Variants in CCSER1 observed in about 807,000 individuals in gnomAD.
CCSER1 encodes the protein coiled-coil serine rich protein 1.
In CCSER1, 41 loss-of-function variants were observed where a neutral mutation model predicts 82.0. The ratio of observed to expected loss-of-function variants is 0.50; its 90% CI spans 0.39 to 0.65. CCSER1 has a LOEUF of 0.65. Ranked by LOEUF, CCSER1 falls within the 30% of genes least tolerant of loss-of-function variation. CCSER1 has a pLI of 0.00. For missense variants in CCSER1, 1,119 were observed against 1,064.2 expected (o/e 1.05, Z -0.72); for synonymous variants, 414 against 383.9 (o/e 1.08, Z -0.92).
intron 9 of CCSER1, among the ~76,000 whole-genome samples, chr4:91,081,190 A>T (rs1385031289): frequency 2.6e-5 from 4 of 152,030 alleles, no homozygotes; most frequent in Non-Finnish European, 5.9e-5. Context: ...TTAGGCAGCA[A>T]ATCAAAAAGC....
chr4:90,334,518 C>T (rs1479867641), intron 3 of CCSER1, among the ~76,000 whole-genome samples: 1 of 151,320 alleles, frequency 6.6e-6, no homozygotes, highest in Non-Finnish European at 1.5e-5. Flanking sequence ...TTGAGATAAA[C>T]TTTATATTGC....
chr4:90,156,408 G>A (rs183490639), intron 1 of CCSER1, among the ~76,000 whole-genome samples: 1 of 152,304 alleles, frequency 6.6e-6, no homozygotes, highest in East Asian at 1.9e-4. Context: ...GCAGAGCTGA[G>A]TTCAATTCCT....
At chr4:90,981,763 G>A (rs1044661676) in intron 9 of CCSER1, among the ~76,000 whole-genome samples, 1 of 151,878 alleles carries the variant, frequency 6.6e-6, no homozygotes, top group Non-Finnish European at 1.5e-5. Flanking sequence ...AAGCAAAGGA[G>A]AGACATCAAG....
At chr4:90,606,991 G>T (rs1016113080) in intron 5 of CCSER1, among the ~76,000 whole-genome samples, 1 of 152,166 alleles carries the variant, frequency 6.6e-6, no homozygotes, top group Non-Finnish European at 1.5e-5. Flanking sequence ...TTTATATGTT[G>T]TTGATGAAAT....
chr4:91,450,098 C>A (rs1578487988), intron 10 of CCSER1, among the ~76,000 whole-genome samples: 1 of 115,508 alleles, frequency 8.7e-6, no homozygotes, highest in East Asian at 2.8e-4. Context: ...TGAAACAAAG[C>A]CTCACAATGG....
intron 9 of CCSER1, among the ~76,000 whole-genome samples, chr4:91,082,186 A>C (rs1461141106): frequency 6.6e-6 from 1 of 152,226 alleles, no homozygotes; most frequent in Non-Finnish European, 1.5e-5. Flanking sequence ...TACAGTAACC[A>C]AAACGGCATG....
chr4:90,251,280 GATGATATTGAACAGTCTT>G (rs1722329979), intron 1 of CCSER1, among the ~76,000 whole-genome samples: 1 of 151,802 alleles, frequency 6.6e-6, no homozygotes, highest in Non-Finnish European at 1.5e-5. Flanking sequence ...GAATAAATAT[GATGATATTGAACAGTCTT>G]ATTTTTTTCT....
chr4:90,520,233 A>C (rs1490045089), intron 5 of CCSER1, among the ~76,000 whole-genome samples: 2 of 151,592 alleles, frequency 1.3e-5, no homozygotes, highest in East Asian at 3.9e-4. Context: ...TATATATGAT[A>C]TGAAATTTAT....
intron 1 of CCSER1, among the ~76,000 whole-genome samples, chr4:90,230,883 A>G (rs1744381694): frequency 6.6e-6 from 1 of 152,216 alleles, no homozygotes; most frequent in Non-Finnish European, 1.5e-5. Flanking sequence ...AGAAATGGAT[A>G]AATTCCTTGA....
chr4:91,394,170 T>C (rs1188676741), intron 10 of CCSER1, among the ~76,000 whole-genome samples: 2 of 152,078 alleles, frequency 1.3e-5, no homozygotes, highest in Non-Finnish European at 2.9e-5. Context: ...TGTAGTTAGA[T>C]TTTCAGAGAC....
intron 10 of CCSER1, among the ~76,000 whole-genome samples, chr4:91,556,661 T>C (rs1762422509): frequency 1.3e-5 from 2 of 151,116 alleles, no homozygotes; most frequent in Non-Finnish European, 3.0e-5. Context: ...GACTCCATGA[T>C]CTTAGGGTAG....
rs368888569 is a variant in CCSER1 at position 90,304,331 on chromosome 4, A to G, written c.-41-3913A>G. 6.6e-4 allele frequency among the ~76,000 whole-genome samples: 100 copies of G among 152,366 alleles called. No individual in the cohort carries two copies. The South Asian group carries it at 0.019, about 29-fold the overall frequency. Reference sequence around the variant, plus strand: ...CCAAAGGACTGTAAATCATGCTGCTATAAAGACACATGCACACGTATGTTT... The same window carrying G: ...CCAAAGGACTGTAAATCATGCTGCTGTAAAGACACATGCACACGTATGTTT... On this transcript the variant is annotated intron_variant, in intron 1 of 10. Transcript: ENST00000509176.
rs1207281921 is a variant in CCSER1, at chr4:91,167,077, C to G, written c.2217+81083C>G. On this transcript the variant is annotated intron_variant, in intron 10 of 10. Coordinates refer to ENST00000509176, the MANE Select transcript of CCSER1 (RefSeq NM_001145065.2). ...AATATCTATGAAATACATATTGTCC[C>G]CTAAGTAAATGTATTTTTGCCATTA... is the stretch of plus-strand genomic sequence containing the variant. Among the ~76,000 whole-genome samples the G allele has an allele frequency of 2.0e-5, 3 of 151,924 alleles. No homozygotes were observed. In the East Asian group the frequency reaches 5.8e-4, roughly 29 times the overall value.
intron 10 of CCSER1, among the ~76,000 whole-genome samples, chr4:91,351,614 A>G (rs994094141): frequency 6.6e-6 from 1 of 152,130 alleles, no homozygotes; most frequent in African/African-American, 2.4e-5. Flanking sequence ...TCATTTAAGA[A>G]TATAAAATAT....
intron 10 of CCSER1, among the ~76,000 whole-genome samples, chr4:91,479,259 T>A (rs961508162): frequency 6.6e-6 from 1 of 151,820 alleles, no homozygotes; most frequent in Non-Finnish European, 1.5e-5. Flanking sequence ...CTTAGGGAAC[T>A]ATTTAAATAT....
intron 9 of CCSER1, among the ~76,000 whole-genome samples, chr4:91,034,796 CTTA>C (rs959530488): frequency 1.3e-5 from 2 of 151,420 alleles, no homozygotes; most frequent in Non-Finnish European, 3.0e-5. Context: ...GTTACAATTC[CTTA>C]TTATTTTTTG....
chr4:90,733,246 T>C (rs1489810081), intron 7 of CCSER1, among the ~76,000 whole-genome samples: 1 of 152,210 alleles, frequency 6.6e-6, no homozygotes, highest in Admixed American at 6.5e-5. Context: ...TGAGATGATA[T>C]CTCTTTGTAG....
intron 5 of CCSER1, among the ~76,000 whole-genome samples, chr4:90,539,911 G>A (rs1273444413): frequency 2.0e-5 from 3 of 152,064 alleles, no homozygotes; most frequent in Admixed American, 2.0e-4. Context: ...TTACTTGAAT[G>A]TAGAAGGAGA....
At chr4:91,456,967 C>G (rs745862102) in intron 10 of CCSER1, among the ~76,000 whole-genome samples, 1 of 151,910 alleles carries the variant, frequency 6.6e-6, no homozygotes, top group Non-Finnish European at 1.5e-5. Flanking sequence ...GTATCATAAT[C>G]CCTGTGCTAA....
Sources: gnomAD v4.1 joint callset for allele counts (sites outside exome capture counted in the v4.1 genomes callset) on GRCh38, gnomAD v4.1.1 for gene constraint, MANE v1.5 for transcripts, NCBI Gene and HGNC (gene_info 2026-07-23, HGNC 2026-07-21) for gene names.